The following FTCD variants were observed in gnomAD, a reference collection of about 807,000 sequenced individuals.
FTCD encodes the protein formimidoyltransferase-cyclodeaminase.
In FTCD, 76 loss-of-function variants were observed where a neutral mutation model predicts 62.9. The observed-to-expected ratio is 1.21, with a 90% CI of 1.00 to 1.46. The LOEUF (loss-of-function observed/expected upper bound fraction) is 1.46. Among genes scored for constraint, FTCD ranks in the 40% most tolerant of loss-of-function variants. The pLI, the probability that FTCD is intolerant of heterozygous loss-of-function variation, is 0.00. For missense variants in FTCD, 845 were observed against 751.3 expected (o/e 1.12, Z -1.46); for synonymous variants, 397 against 336.9 (o/e 1.18, Z -1.95).
In FTCD at chr21:46,138,549, G is replaced by T. The variant is rs1198256613; in HGVS notation, c.1402C>A (p.Leu468Met). ...VASLWPALQE[L>M]ARCGNLACRS... Reference sequence around the variant, plus strand: ...CAGGCCAGGTTCCCACACCGGGCCAGTTCCTGCAGGGCCGGCCACAGCGAG... The same window carrying T: ...CAGGCCAGGTTCCCACACCGGGCCATTTCCTGCAGGGCCGGCCACAGCGAG... The change falls in exon 12 of 14, where the codon CTG (leucine) becomes ATG (methionine). Residue 468 changes from leucine (L) to methionine (M), a missense_variant. Physicochemically the swap from Leu to Met is conservative, Grantham distance 15. Transcript: ENST00000397746. 1.9e-5 allele frequency: 30 copies of T among 1,587,336 alleles called. No homozygotes were observed. The highest frequency in any genetic ancestry group is 2.7e-5 in the African/African-American group (2 of 74,724).
chr21:46,137,354 C>A lies in FTCD; in HGVS notation c.1444-20G>T. On this transcript the variant is annotated intron_variant, in intron 12 of 13. Coordinates refer to ENST00000397746, the MANE Select transcript of FTCD (RefSeq NM_206965.2). ...CGCCACCTGCAAGGACCCCAGGGAG[C>A]CCCTACATGGATCAAGGCTGAGCAA... The A allele has an allele frequency of 6.3e-7, 1 of 1,581,438 alleles. No homozygotes were observed. The highest frequency in any genetic ancestry group is 8.7e-7 in the Non-Finnish European group (1 of 1,151,754).
At chr21:46,140,956 A>AG (rs1308049237) in intron 10 of FTCD, among the ~76,000 whole-genome samples, 1 of 151,618 alleles carries the variant, frequency 6.6e-6, no homozygotes, top group Admixed American at 6.6e-5. Flanking sequence ...AAACCAATCC[A>AG]CTGATTTCGA....
intron 10 of FTCD, among the ~76,000 whole-genome samples, chr21:46,143,248 C>G (rs1720711170): frequency 6.6e-6 from 1 of 152,064 alleles, no homozygotes; most frequent in Non-Finnish European, 1.5e-5. Context: ...CAGGCGCCCC[C>G]ACCGCCCTGC....
In FTCD at chr21:46,152,984, C is replaced by G; in HGVS notation, c.290G>C (p.Arg97Thr). The G allele has an allele frequency of 6.4e-7, 1 of 1,553,496 alleles. No individual in the cohort carries two copies. The highest frequency in any genetic ancestry group is 8.7e-7 in the Non-Finnish European group (1 of 1,148,580). ...CACACACTCATCCACGCTGACGCCCCTCACGGGGATGAAGGGGCAGACGTC... is the reference window on the plus strand; with the variant it reads ...CACACACTCATCCACGCTGACGCCCGTCACGGGGATGAAGGGGCAGACGTC... ...ALDVCPFIPV[R>T]GVSVDECVLC... The change falls in exon 3 of 14, where the codon AGG becomes ACG. Residue 97 changes from arginine (R) to threonine (T), a missense_variant. Physicochemically the swap from Arg to Thr is moderately conservative, Grantham distance 71 (BLOSUM62 -1). Transcript: ENST00000397746.
At chr21:46,138,857 T>A (rs1438829227) in intron 11 of FTCD, 23 bp downstream of exon 11, 1 of 1,600,300 alleles carries the variant, frequency 6.2e-7, no homozygotes, top group Non-Finnish European at 8.6e-7. Context: ...AGGCCCACGG[T>A]GCGGCCGGCC....
intron 10 of FTCD, among the ~76,000 whole-genome samples, chr21:46,140,919 C>T (rs1238586487): frequency 2.0e-5 from 3 of 150,318 alleles, no homozygotes; most frequent in Non-Finnish European, 3.0e-5. Flanking sequence ...ACTCCCCGTC[C>T]ACCTTCACGT....
At chr21:46,151,476 A>G in intron 5 of FTCD, 82 bp downstream of exon 5, 11 of 1,312,972 alleles carry the variant, frequency 8.4e-6, no homozygotes, top group Non-Finnish European at 1.2e-5. Flanking sequence ...ATCCCCACCG[A>G]CCTCCCCGCC....
intron 5 of FTCD, among the ~76,000 whole-genome samples, chr21:46,151,262 G>A (rs141031300): frequency 1.6e-3 from 244 of 152,326 alleles, no homozygotes; most frequent in African/African-American, 5.4e-3. Flanking sequence ...TCCGGAAGTC[G>A]CTGTTTCCCA....
chr21:46,152,227 G>T, intron 3 of FTCD: 1 of 510,404 alleles, frequency 2.0e-6, no homozygotes. Context: ...GCAGGGTTAG[G>T]ATGGAACATG....
chr21:46,138,417 C>T, intron 12 of FTCD, 91 bp downstream of exon 12: 1 of 1,326,628 alleles, frequency 7.5e-7, no homozygotes, highest in South Asian at 1.3e-5. Context: ...CTGGCTCAGC[C>T]CAGCCAACCA....
intron 10 of FTCD, among the ~76,000 whole-genome samples, chr21:46,143,898 C>T (rs769114037): frequency 3.3e-4 from 50 of 152,278 alleles, no homozygotes; most frequent in Non-Finnish European, 7.1e-4. Context: ...TAATCGTCTC[C>T]CTGTGATGCT....
downstream of FTCD, chr21:46,136,286 G>A (rs2078865512): frequency 3.2e-6 from 2 of 627,968 alleles, no homozygotes; most frequent in Admixed American, 2.9e-5. Flanking sequence ...ATTTTTTAAT[G>A]GAGAACTTCT....
chr21:46,144,920 G>A (rs2079106614), intron 10 of FTCD, among the ~76,000 whole-genome samples: 1 of 151,382 alleles, frequency 6.6e-6, no homozygotes, highest in African/African-American at 2.4e-5. Flanking sequence ...CGTTTGGAGG[G>A]AGGTGGGGTC....
chr21:46,136,553 G>A (rs1407804217), downstream of FTCD: 18 of 1,594,824 alleles, frequency 1.1e-5, no homozygotes, highest in Admixed American at 1.7e-4. Context: ...CACAGCCCAG[G>A]GACCTGCACT....
intron 10 of FTCD, among the ~76,000 whole-genome samples, chr21:46,144,120 C>T (rs1034059360): frequency 6.6e-6 from 1 of 151,954 alleles, no homozygotes; most frequent in Non-Finnish European, 1.5e-5. Context: ...ATGTGACTCA[C>T]GTGACCTTAT....
At chr21:46,152,318 A>C in intron 3 of FTCD, 11 of 289,272 alleles carry the variant, frequency 3.8e-5, no homozygotes, top group East Asian at 6.2e-5. Context: ...ACATAAATAT[A>C]ACGGCAGAGA....
downstream of FTCD, chr21:46,136,444 G>A: frequency 6.2e-7 from 1 of 1,612,604 alleles, no homozygotes; most frequent in South Asian, 1.1e-5. Flanking sequence ...GCTGCACCTG[G>A]GAAGCGAGGC....
rs2079329266 is a variant in FTCD at position 46,152,906 on chromosome 21, C to T, written c.367+1G>A. 1.9e-6 allele frequency: 3 copies of T among 1,569,976 alleles called. No homozygotes were observed. Among genetic ancestry groups the T allele is most frequent in the South Asian group, 1.2e-5 (1 of 85,854 alleles). On this transcript the variant is annotated splice_donor_variant, in intron 3 of 13. Coordinates refer to ENST00000397746, the MANE Select transcript of FTCD (RefSeq NM_206965.2). LOFTEE classifies it high-confidence loss of function. ...TGAGGGGGGCGGGGGGGCACGCTCACCTGGCACGTCCAGCTCCTCTGCCAG... is the reference window on the plus strand; with the variant it reads ...TGAGGGGGGCGGGGGGGCACGCTCATCTGGCACGTCCAGCTCCTCTGCCAG...
chr21:46,153,188 G>A (rs1025369087), intron 2 of FTCD, among the ~76,000 whole-genome samples, 153 bp from the exon 3 acceptor site: 29 of 152,142 alleles, frequency 1.9e-4, no homozygotes, highest in Admixed American at 6.5e-4. Context: ...GGAGGAGGCC[G>A]GCCCTGGGCG....
Sources: gnomAD v4.1 joint callset for allele counts (sites outside exome capture counted in the v4.1 genomes callset) on GRCh38, gnomAD v4.1.1 for gene constraint, MANE v1.5 for transcripts, NCBI Gene and HGNC (gene_info 2026-07-23, HGNC 2026-07-21) for gene names.